POU2F1: variants seen among roughly 807,000 people sequenced by gnomAD.
The protein encoded by POU2F1 is POU domain, class 2, transcription factor 1.
Under a neutral mutation model 84.9 loss-of-function variants are expected in POU2F1, and 16 were observed. The ratio of observed to expected loss-of-function variants is 0.19; its 90% CI spans 0.13 to 0.29. The LOEUF (loss-of-function observed/expected upper bound fraction) is 0.29, where lower values mean the gene tolerates loss of function less well. Ranked by LOEUF, POU2F1 falls within the 10% of genes least tolerant of loss-of-function variation. POU2F1 has a pLI of 1.00. For missense variants in POU2F1, 738 were observed against 942.6 expected (o/e 0.78, Z 2.84); for synonymous variants, 368 against 368.3 (o/e 1.00, Z 0.01).
chr1:167,335,662 G>A (rs1233329781), intron 2 of POU2F1, among the ~76,000 whole-genome samples: 1 of 152,180 alleles, frequency 6.6e-6, no homozygotes, highest in African/African-American at 2.4e-5. Flanking sequence ...CTGAGAGGAA[G>A]GCAGGGATAA....
intron 1 of POU2F1, among the ~76,000 whole-genome samples, chr1:167,250,836 TAA>T (rs1318770329): frequency 1.3e-5 from 2 of 152,262 alleles, no homozygotes; most frequent in Non-Finnish European, 2.9e-5. Flanking sequence ...TTCTTAGTTA[TAA>T]GTTATTTTAT....
chr1:167,224,952 C>T (rs968639189), intron 1 of POU2F1, among the ~76,000 whole-genome samples: 1 of 151,940 alleles, frequency 6.6e-6, no homozygotes, highest in Non-Finnish European at 1.5e-5. Flanking sequence ...CCTCAGCCTC[C>T]TTAGTAGCTG....
rs150995696 is a variant in POU2F1 at position 167,399,834 on chromosome 1, C to T, written c.1449+469C>T. ...GATTATAGACGTGTACCACCATTCC[C>T]GGCTAATTTTTTGTACTCTTAGCAG... On this transcript the variant is annotated intron_variant, in intron 12 of 15. Coordinates refer to ENST00000367866, the MANE Select transcript of POU2F1 (RefSeq NM_002697.4). 4.0e-3 allele frequency among the ~76,000 whole-genome samples: 613 copies of T among 151,412 alleles called. 2 individuals are homozygous for T. The highest frequency in any genetic ancestry group is 6.7e-3 in the Non-Finnish European group (456 of 67,826).
At chr1:167,302,316 A>G (rs1483327081) in intron 1 of POU2F1, among the ~76,000 whole-genome samples, 1 of 149,790 alleles carries the variant, frequency 6.7e-6, no homozygotes, top group Non-Finnish European at 1.5e-5. Flanking sequence ...GTTGGAGTGC[A>G]GTGGCGTGAT....
chr1:167,220,918 G>C lies in POU2F1; in HGVS notation c.21G>C (p.Ala7=). 2 of 1,535,324 alleles carry C rather than the reference G, an allele frequency of 1.3e-6. No homozygotes were observed. Among genetic ancestry groups the C allele is most frequent in the South Asian group, 1.2e-5 (1 of 84,024 alleles). The change falls in exon 1 of 16, where the codon GCG becomes GCC. Residue 7 remains alanine, a synonymous_variant. Coordinates refer to ENST00000367866, the MANE Select transcript of POU2F1 (RefSeq NM_002697.4). The part of the protein sequence containing the change: MADGGA[A]SQDESSAAAA... ...TCAAAATGGCGGACGGAGGAGCAGC[G>C]AGTCAAGATGAGAGTTCAGCCGCGG...
At chr1:167,287,029 C>T (rs978474241) in intron 1 of POU2F1, among the ~76,000 whole-genome samples, 5 of 152,082 alleles carry the variant, frequency 3.3e-5, no homozygotes, top group Admixed American at 2.0e-4. Context: ...TGGATCTTCT[C>T]GAGAAAAGGC....
At chr1:167,373,544 A>G (rs1005849728) in intron 5 of POU2F1, among the ~76,000 whole-genome samples, 1 of 152,194 alleles carries the variant, frequency 6.6e-6, no homozygotes, top group African/African-American at 2.4e-5. Context: ...GTAAAGTTGC[A>G]GAGACTCAGT....
chr1:167,247,675 G>C (rs1169224662), intron 1 of POU2F1, among the ~76,000 whole-genome samples: 1 of 152,126 alleles, frequency 6.6e-6, no homozygotes, highest in African/African-American at 2.4e-5. Flanking sequence ...GTTAACTTTG[G>C]TGTAGGAATT....
intron 1 of POU2F1, among the ~76,000 whole-genome samples, chr1:167,290,375 C>T (rs900906385): frequency 2.0e-4 from 30 of 152,164 alleles, no homozygotes; most frequent in South Asian, 4.2e-4. Context: ...TCAGCCTGGG[C>T]GACAGAGCAA....
At chr1:167,228,311 G>T (rs568112659) in intron 1 of POU2F1, among the ~76,000 whole-genome samples, 2 of 152,274 alleles carry the variant, frequency 1.3e-5, no homozygotes, top group South Asian at 4.1e-4. Flanking sequence ...AAATAGGAAG[G>T]GAGAGATTAG....
intron 2 of POU2F1, among the ~76,000 whole-genome samples, chr1:167,344,730 T>A (rs2101766338): frequency 6.6e-6 from 1 of 152,228 alleles, no homozygotes; most frequent in East Asian, 1.9e-4. Flanking sequence ...GTTAGCTATC[T>A]ATTAGGAGGA....
intron 2 of POU2F1, among the ~76,000 whole-genome samples, chr1:167,337,111 C>T (rs960268962): frequency 1.3e-5 from 2 of 149,946 alleles, no homozygotes; most frequent in African/African-American, 4.9e-5. Context: ...TGCAGTGAGC[C>T]GAGATTGGGC....
intron 1 of POU2F1, chr1:167,329,290 C>T (rs1313256130): frequency 6.5e-7 from 1 of 1,548,984 alleles, no homozygotes; most frequent in Non-Finnish European, 8.7e-7. Context: ...TGCTGGACTG[C>T]AGTGACTATG....
At chr1:167,360,391 CG>C (rs1659278907) in intron 2 of POU2F1, among the ~76,000 whole-genome samples, 1 of 152,048 alleles carries the variant, frequency 6.6e-6, no homozygotes, top group South Asian at 2.1e-4. Flanking sequence ...TGAGACGTAG[CG>C]GTCCAGTTTC....
intron 1 of POU2F1, 146 bp downstream of exon 1, chr1:167,221,104 C>A: frequency 1.3e-6 from 1 of 793,838 alleles, no homozygotes; most frequent in Non-Finnish European, 2.0e-6. Flanking sequence ...CATTGAGCCC[C>A]CGCCGGGCGC....
At position 167,370,224 on chromosome 1, in the gene POU2F1, G is replaced by C; in HGVS notation, c.282+10G>C. The stretch of plus-strand genomic sequence containing the variant: ...GTCTTTAAATGTACAGGTAAGCTGG[G>C]ACCTGGGATTATGGGTCAATCTTTT... On this transcript the variant is annotated intron_variant, in intron 4 of 15. Coordinates refer to ENST00000367866, the MANE Select transcript of POU2F1 (RefSeq NM_002697.4). The C allele has an allele frequency of 1.3e-6, 2 of 1,587,012 alleles. No individual in the cohort carries two copies. Among genetic ancestry groups the C allele is most frequent in the South Asian group, 1.2e-5 (1 of 86,012 alleles).
intron 1 of POU2F1, among the ~76,000 whole-genome samples, chr1:167,275,392 T>G (rs1652658464): frequency 6.6e-6 from 1 of 152,114 alleles, no homozygotes; most frequent in Non-Finnish European, 1.5e-5. Context: ...ACTTTTTTTT[T>G]TTGGCTTATT....
chr1:167,327,112 A>G (rs181161302), intron 1 of POU2F1, among the ~76,000 whole-genome samples: 1 of 149,440 alleles, frequency 6.7e-6, no homozygotes, highest in East Asian at 1.9e-4. Context: ...CTCTTCTATA[A>G]TGTATTCTTA....
At chr1:167,308,561 C>G (rs1308581120) in intron 1 of POU2F1, among the ~76,000 whole-genome samples, 1 of 152,138 alleles carries the variant, frequency 6.6e-6, no homozygotes, top group African/African-American at 2.4e-5. Context: ...TGGTCTCACT[C>G]TGTCCCCAAG....
Sources: gnomAD v4.1 joint callset for allele counts (sites outside exome capture counted in the v4.1 genomes callset) on GRCh38, gnomAD v4.1.1 for gene constraint, MANE v1.5 for transcripts, NCBI Gene and HGNC (gene_info 2026-07-23, HGNC 2026-07-21) for gene names.